Variants in SERPINA6 observed in about 807,000 individuals in gnomAD.
SERPINA6 encodes the protein serpin family A member 6.
A neutral mutation model predicts 26.4 loss-of-function variants in SERPINA6; 19 were observed. The observed-to-expected ratio is 0.72, with a 90% CI of 0.50 to 1.06. The LOEUF is 1.06. Ranked by LOEUF, SERPINA6 falls within the 50% of genes least tolerant of loss-of-function variation. SERPINA6 has a pLI of 0.00. For synonymous variants in SERPINA6, 196 were observed against 199.4 expected (o/e 0.98, Z 0.14); for missense variants, 473 against 504.0 (o/e 0.94, Z 0.59).
At chr14:94,315,250 T>C (rs868080244) in intron 1 of SERPINA6, among the ~76,000 whole-genome samples, 28 of 149,984 alleles carry the variant, frequency 1.9e-4, no homozygotes, top group Admixed American at 6.7e-4. Flanking sequence ...TTTGGGCACA[T>C]GATGTGTAGA....
At chr14:94,318,103 A>G (rs1895636167) in intron 1 of SERPINA6, among the ~76,000 whole-genome samples, 1 of 152,248 alleles carries the variant, frequency 6.6e-6, no homozygotes, top group Admixed American at 6.5e-5. Context: ...ATGATAAAGA[A>G]TAAAATAGGG....
intron 1 of SERPINA6, 75 bp from the exon 2 acceptor site, chr14:94,314,742 G>T: frequency 7.1e-7 from 1 of 1,415,528 alleles, no homozygotes; most frequent in Non-Finnish European, 9.9e-7. Flanking sequence ...GAGGAGGCAG[G>T]CAAAAGACCC....
intron 1 of SERPINA6, among the ~76,000 whole-genome samples, chr14:94,315,124 G>A (rs11626522): frequency 0.082 from 12,551 of 152,258 alleles, 789 homozygotes; most frequent in Admixed American, 0.2. Flanking sequence ...TGCAAGAAAT[G>A]AGAGGCATTT....
chr14:94,314,370 C>G lies in SERPINA6; in HGVS notation c.279G>C (p.Leu93=). 1 of 1,614,158 alleles carries G rather than the reference C, an allele frequency of 6.2e-7. No individual in the cohort carries two copies. Residue 93 remains leucine, a synonymous_variant, in exon 2 of 5, where the codon CTG becomes CTC. Transcript: ENST00000341584. The part of the protein sequence containing the change: ...GHTRAQLLQG[L]GFNLTERSET... ...CAGACCTCTCAGTGAGGTTGAAACC[C>G]AGGCCCTGGAGAAGCTGGGCCCGTG...
chr14:94,315,682 G>C (rs570223793), intron 1 of SERPINA6, among the ~76,000 whole-genome samples: 3 of 152,262 alleles, frequency 2.0e-5, no homozygotes, highest in Admixed American at 6.5e-5. Flanking sequence ...AATCAAAAGA[G>C]AGCAGGGGTG....
At chr14:94,313,269 C>T (rs977201799) in intron 2 of SERPINA6, among the ~76,000 whole-genome samples, 1 of 152,190 alleles carries the variant, frequency 6.6e-6, no homozygotes. Context: ...ACATTCTAAT[C>T]CCCAGAACTT....
chr14:94,312,177 G>T (rs1056708128), intron 2 of SERPINA6, among the ~76,000 whole-genome samples: 4 of 152,238 alleles, frequency 2.6e-5, no homozygotes, highest in East Asian at 3.9e-4. Context: ...TCAATGTCTG[G>T]TCCTGCATTC....
At chr14:94,309,126 C>T (rs773937871) in intron 3 of SERPINA6, among the ~76,000 whole-genome samples, 4 of 152,232 alleles carry the variant, frequency 2.6e-5, no homozygotes, top group East Asian at 1.9e-4. Flanking sequence ...ATCCATTGGC[C>T]GCTTCTCCTC....
rs138483168 is a variant in SERPINA6 at position 94,304,558 on chromosome 14, T to C, written c.1078A>G (p.Thr360Ala). 19 of 1,614,238 alleles carry C rather than the reference T, an allele frequency of 1.2e-5. No homozygotes were observed. The African/African-American group carries it at 1.3e-4, about 11-fold the overall frequency. Residue 360 changes from threonine (T) to alanine (A), a missense_variant, in exon 5 of 5, where the codon ACA (threonine) becomes GCA (alanine). Transcript: ENST00000341584. ...VLQLNEEGVD[T>A]AGSTGVTLNL... Reference sequence around the variant, plus strand: ...AGGGTGACCCCAGTGGAGCCAGCTGTGTCCACACCCTCCTCATTGAGTTGC... The same window carrying C: ...AGGGTGACCCCAGTGGAGCCAGCTGCGTCCACACCCTCCTCATTGAGTTGC...
At position 94,314,500 on chromosome 14, in the gene SERPINA6, AGG is replaced by A; in HGVS notation, c.147_148del (p.Leu50ValfsTer2). The A allele has an allele frequency of 3.1e-6, 5 of 1,614,230 alleles. No individual in the cohort carries two copies. The highest frequency in any genetic ancestry group is 4.2e-6 in the Non-Finnish European group (5 of 1,180,032). On this transcript the variant is annotated frameshift_variant, in exon 2 of 5. Coordinates refer to ENST00000341584, the MANE Select transcript of SERPINA6 (RefSeq NM_001756.4). LOFTEE classifies it high-confidence loss of function. Reference sequence around the variant, plus strand: ...ACTCAAGGCCACTAGGTGCTTATACAGGCTGAAGGCAAAGTCAACGTTGGCTG... The same window carrying A: ...ACTCAAGGCCACTAGGTGCTTATACACTGAAGGCAAAGTCAACGTTGGCTG...
chr14:94,308,851 C>T (rs1013190067), intron 3 of SERPINA6, among the ~76,000 whole-genome samples: 1 of 152,230 alleles, frequency 6.6e-6, no homozygotes, highest in African/African-American at 2.4e-5. Flanking sequence ...ATTCATTCAT[C>T]CATTCATTTA....
chr14:94,315,596 G>C (rs2139724419), intron 1 of SERPINA6, among the ~76,000 whole-genome samples: 1 of 152,188 alleles, frequency 6.6e-6, no homozygotes, highest in Non-Finnish European at 1.5e-5. Flanking sequence ...GTCTACAAGA[G>C]ACTCATTTTA....
intron 1 of SERPINA6, among the ~76,000 whole-genome samples, chr14:94,320,072 A>C (rs1328641459): frequency 6.6e-6 from 1 of 152,188 alleles, no homozygotes; most frequent in African/African-American, 2.4e-5. Context: ...GCCTGCCTGC[A>C]AGGTTAGTGG....
chr14:94,308,727 TC>T (rs1186388094), intron 3 of SERPINA6, among the ~76,000 whole-genome samples: 16 of 152,186 alleles, frequency 1.1e-4, no homozygotes, highest in Non-Finnish European at 1.8e-4. Flanking sequence ...GACAATAATT[TC>T]AATTACTGTC....
intron 2 of SERPINA6, among the ~76,000 whole-genome samples, chr14:94,313,064 A>G (rs1216319939): frequency 1.3e-5 from 2 of 152,226 alleles, no homozygotes; most frequent in Admixed American, 6.5e-5. Flanking sequence ...GCATGGGCAA[A>G]CTGTTGAGCA....
intron 4 of SERPINA6, among the ~76,000 whole-genome samples, chr14:94,305,226 T>C (rs1895420131): frequency 6.6e-6 from 1 of 152,122 alleles, no homozygotes; most frequent in Non-Finnish European, 1.5e-5. Context: ...GCAAGCACAC[T>C]CAGGCTCTGG....
chr14:94,319,406 A>G (rs140849880), intron 1 of SERPINA6, among the ~76,000 whole-genome samples: 319 of 152,368 alleles, frequency 2.1e-3, no homozygotes, highest in African/African-American at 7.3e-3. Context: ...ACAGTTCTTT[A>G]AAAATTAAAC....
intron 1 of SERPINA6, among the ~76,000 whole-genome samples, chr14:94,322,810 G>A (rs1267510854): frequency 4.6e-5 from 7 of 152,254 alleles, no homozygotes; most frequent in South Asian, 2.1e-4. Flanking sequence ...ACAGGTCTGC[G>A]TGACTCAGAA....
At chr14:94,313,873 A>G in intron 2 of SERPINA6, 163 bp downstream of exon 2, 1 of 851,894 alleles carries the variant, frequency 1.2e-6, no homozygotes, top group South Asian at 1.3e-5. Flanking sequence ...GTAAAATAAT[A>G]TAATTCCACC....
Sources: allele counts gnomAD v4.1 joint callset (sites outside exome capture counted in the v4.1 genomes callset), GRCh38; gene constraint gnomAD v4.1.1; transcripts MANE v1.5; gene names NCBI Gene and HGNC (gene_info 2026-07-23, HGNC 2026-07-21).